Variants in TAFA5 observed in about 807,000 individuals in gnomAD.
TAFA5 encodes the protein TAFA chemokine like family member 5, also known as chemokine-like protein TAFA-5.
A neutral mutation model predicts 15.3 loss-of-function variants in TAFA5; 6 were observed. The observed-to-expected ratio is 0.39, with a 90% CI of 0.21 to 0.77. TAFA5 has a LOEUF of 0.77. TAFA5 is among the 30% of genes least tolerant of loss of function. TAFA5 has a pLI of 0.41. For synonymous variants in TAFA5, 103 were observed against 80.7 expected (o/e 1.28, Z -1.48); for missense variants, 161 against 193.1 (o/e 0.83, Z 0.98).
chr22:48,704,734 G>C (rs935915891), intron 2 of TAFA5, among the ~76,000 whole-genome samples: 1 of 152,136 alleles, frequency 6.6e-6, no homozygotes, highest in Non-Finnish European at 1.5e-5. Context: ...TCAGGTGAAC[G>C]AGGGATGTTC....
intron 2 of TAFA5, among the ~76,000 whole-genome samples, chr22:48,693,557 G>A (rs1386461195): frequency 6.6e-6 from 1 of 152,170 alleles, no homozygotes; most frequent in African/African-American, 2.4e-5. Context: ...CTGGAGCTCA[G>A]GGAACTCTGT....
intron 3 of TAFA5, among the ~76,000 whole-genome samples, chr22:48,724,778 A>G (rs1486974173): frequency 6.6e-6 from 1 of 152,206 alleles, no homozygotes; most frequent in Non-Finnish European, 1.5e-5. Flanking sequence ...CTTAGAAACT[A>G]GTGATCAGAG....
chr22:48,661,048 G>T (rs780346193), intron 2 of TAFA5, among the ~76,000 whole-genome samples: 25 of 152,228 alleles, frequency 1.6e-4, no homozygotes, highest in Non-Finnish European at 2.6e-4. Context: ...CCAGGACAGT[G>T]TGGGGTCTCC....
At chr22:48,559,983 A>T (rs569352477) in intron 1 of TAFA5, among the ~76,000 whole-genome samples, 60 of 152,072 alleles carry the variant, frequency 3.9e-4, no homozygotes, top group Non-Finnish European at 7.9e-4. Flanking sequence ...AGGGGTCCAG[A>T]CCCCCGTGGG....
At chr22:48,736,690 C>T (rs563416814) in intron 3 of TAFA5, among the ~76,000 whole-genome samples, 11 of 152,214 alleles carry the variant, frequency 7.2e-5, no homozygotes, top group Non-Finnish European at 1.5e-4. Context: ...ACCGGCAACA[C>T]GGATGAACCT....
chr22:48,533,285 G>T (rs949690268), intron 1 of TAFA5, among the ~76,000 whole-genome samples: 1 of 152,178 alleles, frequency 6.6e-6, no homozygotes, highest in African/African-American at 2.4e-5. Flanking sequence ...AGGGGGAGGG[G>T]TGCAGCCGTC....
chr22:48,701,872 A>G (rs574892799), intron 2 of TAFA5, among the ~76,000 whole-genome samples: 2 of 152,268 alleles, frequency 1.3e-5, no homozygotes, highest in South Asian at 2.1e-4. Context: ...CCTGGAGCCC[A>G]AGGTTTTTAT....
chr22:48,630,267 G>A (rs1926169650), intron 1 of TAFA5, among the ~76,000 whole-genome samples: 1 of 152,186 alleles, frequency 6.6e-6, no homozygotes, highest in Non-Finnish European at 1.5e-5. Context: ...CTCGCTGAAT[G>A]ACGTGTCCCC....
In TAFA5 at chr22:48,550,815, C is replaced by A. The variant is rs1042228402; in HGVS notation, c.112+61111C>A. Among the ~76,000 whole-genome samples the A allele has an allele frequency of 6.6e-6, 1 of 152,088 alleles. No individual in the cohort carries two copies. The highest frequency in any genetic ancestry group is 2.4e-5 in the African/African-American group (1 of 41,428). On this transcript the variant is annotated intron_variant, in intron 1 of 3. Transcript: ENST00000402357. The surrounding 1 kb of genome is among the most constrained non-coding windows in gnomAD (Gnocchi z 4.1). The stretch of plus-strand genomic sequence containing the variant: ...TGACCTTCTTGTTCTCGGGAAAGAG[C>A]GGTGCCTCCAGGATTCAGGCCTGAG...
rs559983978 is a variant in TAFA5, at chr22:48,728,289, A to G, written c.390+20445A>G. 6.6e-5 allele frequency among the ~76,000 whole-genome samples: 10 copies of G among 152,358 alleles called. No homozygotes were observed. In the South Asian group the frequency reaches 1.2e-3, roughly 19 times the overall value. ...ACACCAAAAAATAAAAGCCTTATTA[A>G]CCAGGACTTTCTTATAATTTATTGA... On this transcript the variant is annotated intron_variant, in intron 3 of 3. Coordinates refer to ENST00000402357, the MANE Select transcript of TAFA5 (RefSeq NM_001082967.3).
chr22:48,682,285 G>T (rs560587762), intron 2 of TAFA5, among the ~76,000 whole-genome samples: 1 of 152,310 alleles, frequency 6.6e-6, no homozygotes, highest in East Asian at 1.9e-4. Flanking sequence ...CCCTAGAGCC[G>T]TGATGATGAG....
intron 1 of TAFA5, among the ~76,000 whole-genome samples, chr22:48,576,881 C>T (rs1174927133): frequency 6.6e-6 from 1 of 151,920 alleles, no homozygotes; most frequent in African/African-American, 2.4e-5. Context: ...CCATCCCCTG[C>T]CCCACTGGGC....
chr22:48,704,462 G>A (rs369470983), intron 2 of TAFA5, among the ~76,000 whole-genome samples: 2 of 152,130 alleles, frequency 1.3e-5, no homozygotes, highest in Admixed American at 6.5e-5. Context: ...CCGGGAAGAC[G>A]CATGACAGAT....
intron 1 of TAFA5, among the ~76,000 whole-genome samples, chr22:48,528,632 G>A (rs1243345017): frequency 6.6e-6 from 1 of 152,214 alleles, no homozygotes; most frequent in Non-Finnish European, 1.5e-5. Context: ...GGTGCTTAGG[G>A]AGTTTGTGTA....
At chr22:48,509,965 A>G (rs946223212) in intron 1 of TAFA5, among the ~76,000 whole-genome samples, 1 of 86,790 alleles carries the variant, frequency 1.2e-5, no homozygotes, top group Non-Finnish European at 3.3e-5. Flanking sequence ...AAAAAAAAAA[A>G]GAAAAAGAAA....
At chr22:48,619,976 G>A (rs1340025761) in intron 1 of TAFA5, among the ~76,000 whole-genome samples, 5 of 152,222 alleles carry the variant, frequency 3.3e-5, no homozygotes, top group Non-Finnish European at 7.3e-5. Flanking sequence ...TGTGACATGT[G>A]GGTTGGAGAT....
intron 3 of TAFA5, among the ~76,000 whole-genome samples, chr22:48,709,557 G>A (rs574135430): frequency 6.6e-6 from 1 of 152,294 alleles, no homozygotes; most frequent in African/African-American, 2.4e-5. Context: ...CCTGAATTTG[G>A]GAGGGATGGG....
intron 2 of TAFA5, among the ~76,000 whole-genome samples, chr22:48,665,466 A>C (rs1395251154): frequency 6.6e-6 from 1 of 152,070 alleles, no homozygotes; most frequent in Non-Finnish European, 1.5e-5. Context: ...TCTTACCCCA[A>C]AGCCGTGAGA....
intron 2 of TAFA5, among the ~76,000 whole-genome samples, chr22:48,654,993 G>A (rs563369535): frequency 1.3e-5 from 2 of 152,320 alleles, no homozygotes; most frequent in South Asian, 4.1e-4. Flanking sequence ...AGCGTGTGGT[G>A]GATCTGGTAG....
Sources: gnomAD v4.1 joint callset for allele counts (sites outside exome capture counted in the v4.1 genomes callset) on GRCh38, gnomAD v4.1.1 for gene constraint, Gnocchi (gnomAD v3.1) non-coding constraint, MANE v1.5 for transcripts, NCBI Gene and HGNC (gene_info 2026-07-23, HGNC 2026-07-21) for gene names.